The following RPS6KC1 variants were observed in gnomAD, a reference collection of about 807,000 sequenced individuals.
The protein encoded by RPS6KC1 is inactive ribosomal protein S6 kinase delta-1.
Under a neutral mutation model 103.8 loss-of-function variants are expected in RPS6KC1, and 54 were observed. That is an observed-to-expected ratio of 0.52 (90% confidence interval 0.42 to 0.65). The LOEUF (loss-of-function observed/expected upper bound fraction) is 0.65, where lower values mean the gene tolerates loss of function less well. Among genes scored for constraint, RPS6KC1 ranks in the 30% least tolerant of loss-of-function variants. The pLI is 0.00. For missense variants in RPS6KC1, 1,151 were observed against 1,253.8 expected (o/e 0.92, Z 1.24); for synonymous variants, 439 against 438.7 (o/e 1.00, Z -0.01).
chr1:213,649,461 AG>A, the RPS6KC1 span, among the ~76,000 whole-genome samples: 1 of 151,916 alleles, frequency 6.6e-6, no homozygotes, highest in African/African-American at 2.4e-5. Context: ...AGGAGCCACA[AG>A]CCATTCTCAG....
chr1:213,256,052 ACC>A (rs1434709622), intron 12 of RPS6KC1, among the ~76,000 whole-genome samples: 29 of 146,302 alleles, frequency 2.0e-4, no homozygotes, highest in African/African-American at 7.5e-4. Flanking sequence ...TCCATGAAAA[ACC>A]AATTTACCTT....
chr1:213,756,028 C>A, the RPS6KC1 span, among the ~76,000 whole-genome samples: 2 of 152,218 alleles, frequency 1.3e-5, no homozygotes, highest in Admixed American at 6.5e-5. Flanking sequence ...GCTGGGCTTA[C>A]AAAGAAGTGT....
chr1:213,740,438 T>C, the RPS6KC1 span, among the ~76,000 whole-genome samples: 1 of 152,046 alleles, frequency 6.6e-6, no homozygotes, highest in African/African-American at 2.4e-5. Flanking sequence ...AATTAAAATA[T>C]TAGCACAGTT....
chr1:213,109,871 A>G (rs184358336), intron 4 of RPS6KC1, among the ~76,000 whole-genome samples: 25 of 151,642 alleles, frequency 1.6e-4, no homozygotes, highest in African/African-American at 5.8e-4. Flanking sequence ...GTGTGTATGT[A>G]TGTACATATA....
the RPS6KC1 span, among the ~76,000 whole-genome samples, chr1:213,312,389 A>C: frequency 6.6e-6 from 1 of 152,182 alleles, no homozygotes. Context: ...CCTTAATTTC[A>C]GAGTCAGCAA....
At chr1:213,296,572 T>G in the RPS6KC1 span, among the ~76,000 whole-genome samples, 1 of 152,322 alleles carries the variant, frequency 6.6e-6, no homozygotes, top group South Asian at 2.1e-4. Flanking sequence ...GCCAGAGCAT[T>G]ATTAGCATAA....
chr1:213,120,849 A>T (rs2084298115), intron 5 of RPS6KC1, among the ~76,000 whole-genome samples: 1 of 152,222 alleles, frequency 6.6e-6, no homozygotes, highest in African/African-American at 2.4e-5. Context: ...GAACAGAGGT[A>T]GAGGTGAAGT....
At chr1:213,075,113 A>C (rs149320045) in intron 2 of RPS6KC1, among the ~76,000 whole-genome samples, 2,244 of 152,166 alleles carry the variant, frequency 0.015, 60 homozygotes, top group African/African-American at 0.049. Flanking sequence ...GGCCTCCCAA[A>C]GTGCTGGGAT....
the RPS6KC1 span, among the ~76,000 whole-genome samples, chr1:213,533,914 G>C: frequency 5.4e-3 from 829 of 152,330 alleles, 11 homozygotes; most frequent in African/African-American, 0.019. Flanking sequence ...TGTGTGCCTA[G>C]AGGGGGCCAG....
chr1:213,739,796 A>G, the RPS6KC1 span, among the ~76,000 whole-genome samples: 1 of 152,236 alleles, frequency 6.6e-6, no homozygotes, highest in Non-Finnish European at 1.5e-5. Context: ...GTTAAGTGCT[A>G]GAAATTCAGC....
Position 213,261,727 on chromosome 1 carries a change from T to C in RPS6KC1, c.2994+87T>C. ...AACATTAGCCTTCACCCTTAGTTTTTAAATCAGGGACTAAGCAAGAAAAAC... is the reference window on the plus strand; with the variant it reads ...AACATTAGCCTTCACCCTTAGTTTTCAAATCAGGGACTAAGCAAGAAAAAC... On this transcript the variant is annotated intron_variant, in intron 13 of 14. Coordinates refer to ENST00000366960, the MANE Select transcript of RPS6KC1 (RefSeq NM_012424.6). 2.6e-6 allele frequency: 3 copies of C among 1,143,436 alleles called. No individual in the cohort carries two copies. In the African/African-American group the frequency reaches 4.6e-5, roughly 18 times the overall value. 70.8% of individuals were successfully genotyped at this position (1,143,436 alleles called of 1,614,324 possible).
chr1:213,451,090 C>T, the RPS6KC1 span, among the ~76,000 whole-genome samples: 12 of 152,278 alleles, frequency 7.9e-5, no homozygotes, highest in African/African-American at 1.4e-4. Context: ...AGCACTCACC[C>T]GTGGGTCAAA....
chr1:213,633,016 C>T, the RPS6KC1 span, among the ~76,000 whole-genome samples: 125 of 152,024 alleles, frequency 8.2e-4, 1 homozygote, highest in Admixed American at 2.0e-3. Flanking sequence ...TAAAAAGAAA[C>T]GAACAAAGCC....
chr1:213,613,214 G>A, the RPS6KC1 span, among the ~76,000 whole-genome samples: 5 of 152,178 alleles, frequency 3.3e-5, no homozygotes, highest in African/African-American at 7.2e-5. Context: ...GCCCCTGAGT[G>A]GAATAACTTT....
the RPS6KC1 span, among the ~76,000 whole-genome samples, chr1:213,823,747 C>CACACACACACAT: frequency 3.3e-5 from 5 of 151,770 alleles, no homozygotes; most frequent in Non-Finnish European, 7.4e-5. Context: ...CACACACACA[C>CACACACACACAT]ACACACCACA....
chr1:213,592,774 T>C, the RPS6KC1 span, among the ~76,000 whole-genome samples: 1 of 152,252 alleles, frequency 6.6e-6, no homozygotes, highest in Non-Finnish European at 1.5e-5. Flanking sequence ...GGTCCTGAGA[T>C]ACAGTAGTGG....
the RPS6KC1 span, among the ~76,000 whole-genome samples, chr1:213,391,039 A>C: frequency 6.6e-6 from 1 of 152,062 alleles, no homozygotes; most frequent in Non-Finnish European, 1.5e-5. Context: ...GTCTGATGTT[A>C]CCTCAAGCTT....
At chr1:213,440,806 C>T in the RPS6KC1 span, among the ~76,000 whole-genome samples, 2 of 152,136 alleles carry the variant, frequency 1.3e-5, no homozygotes, top group Non-Finnish European at 2.9e-5. Context: ...CTAGATCTTA[C>T]TACAGGTCTG....
chr1:213,099,410 G>A (rs950306256), intron 3 of RPS6KC1, among the ~76,000 whole-genome samples: 3 of 152,016 alleles, frequency 2.0e-5, no homozygotes, highest in Admixed American at 2.0e-4. Flanking sequence ...AATCTGTCTT[G>A]TTTTTATGCA....
Sources: gnomAD v4.1 joint callset for allele counts (sites outside exome capture counted in the v4.1 genomes callset) on GRCh38, gnomAD v4.1.1 for gene constraint, MANE v1.5 for transcripts, NCBI Gene and HGNC (gene_info 2026-07-23, HGNC 2026-07-21) for gene names.